The following FGD6 variants were observed in gnomAD, a reference collection of about 807,000 sequenced individuals.
The protein encoded by FGD6 is FYVE, RhoGEF and PH domain containing 6, also known as FYVE, RhoGEF and PH domain-containing protein 6.
Under a neutral mutation model 149.4 loss-of-function variants are expected in FGD6, and 90 were observed. That is an observed-to-expected ratio of 0.60 (90% CI 0.51 to 0.72). The LOEUF is 0.72. Ranked by LOEUF, FGD6 falls within the 30% of genes least tolerant of loss-of-function variation. The pLI, the probability that FGD6 is intolerant of heterozygous loss-of-function variation, is 0.00. For missense variants in FGD6, 1,437 were observed against 1,684.8 expected (o/e 0.85, Z 2.57); for synonymous variants, 527 against 584.0 (o/e 0.90, Z 1.41).
intron 1 of FGD6, among the ~76,000 whole-genome samples, chr12:95,212,450 A>C (rs1017900547): frequency 6.6e-6 from 1 of 152,194 alleles, no homozygotes; most frequent in Admixed American, 6.5e-5. Context: ...AACCTAATAA[A>C]AGCTTTACAC....
At chr12:95,214,861 C>CTTTTTTT (rs1171146305) in intron 1 of FGD6, among the ~76,000 whole-genome samples, 25 of 129,200 alleles carry the variant, frequency 1.9e-4, no homozygotes, top group South Asian at 5.0e-4. Context: ...CTCCTTTTTT[C>CTTTTTTT]TTTTTTTTTT....
chr12:95,158,293 G>A (rs1375437382), intron 3 of FGD6, among the ~76,000 whole-genome samples: 2 of 149,926 alleles, frequency 1.3e-5, no homozygotes, highest in Non-Finnish European at 3.0e-5. Context: ...TCAGCCTCCT[G>A]AGTAGCTGGG....
At chr12:95,119,548 C>T (rs1879122302) in intron 8 of FGD6, among the ~76,000 whole-genome samples, 1 of 152,196 alleles carries the variant, frequency 6.6e-6, no homozygotes, top group African/African-American at 2.4e-5. Context: ...CCATATAGTC[C>T]TGCCTTATAC....
In FGD6 at chr12:95,217,233, G is replaced by A; in HGVS notation, c.8C>T (p.Ser3Phe). The stretch of plus-strand genomic sequence containing the variant: ...CGAGCGCCGTCACTTACCGGCTGCA[G>A]AAGTCATGATTCCCCGGTGCAGCTC... The part of the protein sequence containing the change: MT[S>F]AAEIKKPPVA... The change falls in exon 1 of 21, where the codon TCT becomes TTT. Residue 3 changes from serine (S) to phenylalanine (F), a missense_variant. Ser to Phe is a radical substitution (Grantham distance 155, BLOSUM62 -2). Transcript: ENST00000343958. The A allele has an allele frequency of 6.2e-7, 1 of 1,612,240 alleles. No individual in the cohort carries two copies. The highest frequency in any genetic ancestry group is 8.5e-7 in the Non-Finnish European group (1 of 1,178,786).
intron 3 of FGD6, among the ~76,000 whole-genome samples, chr12:95,165,500 A>AT (rs1384875860): frequency 4.0e-5 from 6 of 150,508 alleles, no homozygotes; most frequent in Admixed American, 2.6e-4. Context: ...CGCCTGGCTA[A>AT]TTTTTTTTAT....
At chr12:95,138,303 G>C (rs1879739745) in intron 6 of FGD6, among the ~76,000 whole-genome samples, 1 of 152,014 alleles carries the variant, frequency 6.6e-6, no homozygotes, top group African/African-American at 2.4e-5. Context: ...CAGCATTTTG[G>C]GAGGCCGAGA....
At chr12:95,119,507 A>G (rs1019122804) in intron 8 of FGD6, among the ~76,000 whole-genome samples, 4 of 152,224 alleles carry the variant, frequency 2.6e-5, no homozygotes, top group African/African-American at 7.2e-5. Flanking sequence ...GGCTATTTAC[A>G]TAAGTAGGAT....
intron 2 of FGD6, among the ~76,000 whole-genome samples, chr12:95,202,385 T>TC: frequency 7.1e-6 from 1 of 140,120 alleles, no homozygotes; most frequent in South Asian, 2.3e-4. Context: ...AGACTCCATT[T>TC]CCCAAAAAAT....
rs1877516894 is a variant in FGD6 at position 95,077,076 on chromosome 12, T to C, written c.*4444A>G. The stretch of plus-strand genomic sequence containing the variant: ...TAAAAAACCCTACTCAAAACAACTA[T>C]CTCTTATAAGGGAAAATATCATAGA... On this transcript the variant is annotated 3_prime_UTR_variant, in exon 21 of 21. Transcript: ENST00000343958. The C allele has an allele frequency of 6.6e-6, 1 of 151,904 alleles. No individual in the cohort carries two copies. Among genetic ancestry groups the C allele is most frequent in the South Asian group, 2.1e-4 (1 of 4,716 alleles). 9.4% of individuals were successfully genotyped at this position (151,904 alleles called of 1,614,324 possible). A position where few individuals can be genotyped will look rare whatever the true frequency, so the allele number is the denominator to read the frequency against.
At chr12:95,134,262 AC>A (rs1435303144) in intron 8 of FGD6, among the ~76,000 whole-genome samples, 6 of 152,242 alleles carry the variant, frequency 3.9e-5, no homozygotes, top group Non-Finnish European at 7.4e-5. Context: ...GCACCCAGCT[AC>A]GGTACTATTC....
intron 3 of FGD6, among the ~76,000 whole-genome samples, chr12:95,160,018 A>C (rs2136277019): frequency 6.6e-6 from 1 of 151,514 alleles, no homozygotes; most frequent in South Asian, 2.1e-4. Context: ...TAAAAAAAAA[A>C]AAACAAAACC....
chr12:95,135,613 A>G (rs1879643061), intron 7 of FGD6, among the ~76,000 whole-genome samples: 1 of 152,192 alleles, frequency 6.6e-6, no homozygotes, highest in South Asian at 2.1e-4. Context: ...CAAAAAGGCC[A>G]AGTGAAAATG....
chr12:95,126,053 A>T (rs1256610643), intron 8 of FGD6: 1 of 1,277,336 alleles, frequency 7.8e-7, no homozygotes, highest in East Asian at 2.3e-5. Flanking sequence ...TTGAAGCCAG[A>T]GAAAGGAAAG....
chr12:95,152,904 G>C lies in FGD6; in HGVS notation c.2654+22C>G, dbSNP rs769487181. On this transcript the variant is annotated intron_variant, in intron 4 of 20. Coordinates refer to ENST00000343958, the MANE Select transcript of FGD6 (RefSeq NM_018351.4). ...GCCAATGGGGGGAAAACAGTCTTCT[G>C]AATTGTAAACTAGATACCTACACTT... The C allele has an allele frequency of 2.2e-5, 36 of 1,613,522 alleles. No homozygotes were observed. In the Admixed American group the frequency reaches 3.8e-4, roughly 17 times the overall value.
chr12:95,106,893 C>CCA, intron 13 of FGD6, 61 bp downstream of exon 13: 1 of 1,025,920 alleles, frequency 9.7e-7, no homozygotes, highest in Non-Finnish European at 1.4e-6. Flanking sequence ...GACCCCGTCT[C>CCA]AAACAAAACA....
chr12:95,167,774 C>G (rs543951385), intron 3 of FGD6, among the ~76,000 whole-genome samples: 1 of 152,080 alleles, frequency 6.6e-6, no homozygotes, highest in African/African-American at 2.4e-5. Context: ...GGGATTTCAC[C>G]ATGTTGGCCA....
intron 13 of FGD6, among the ~76,000 whole-genome samples, chr12:95,105,505 G>A (rs1474587274): frequency 6.6e-6 from 1 of 152,016 alleles, no homozygotes; most frequent in Non-Finnish European, 1.5e-5. Context: ...TGCCTTTATA[G>A]TGATATTTAT....
rs543239059 is a variant in FGD6, at chr12:95,150,269, C to T, written c.2685+2542G>A. Among the ~76,000 whole-genome samples the T allele has an allele frequency of 2.6e-5, 4 of 152,134 alleles. No individual in the cohort carries two copies. In the East Asian group the frequency reaches 5.8e-4, roughly 22 times the overall value. ...CTCGAACTCCTGACCTCATGTGATC[C>T]GCCTGCCCTGGCCTCCCAAGGTGCT... On this transcript the variant is annotated intron_variant, in intron 5 of 20. Transcript: ENST00000343958.
At chr12:95,109,193 T>TA (rs11382443) in intron 9 of FGD6, among the ~76,000 whole-genome samples, 44,923 of 152,018 alleles carry the variant, frequency 0.3, 6,996 homozygotes, top group East Asian at 0.41. Context: ...CCCTTTGCCT[T>TA]TAGCAAAGTG....
Sources: allele counts gnomAD v4.1 joint callset (sites outside exome capture counted in the v4.1 genomes callset), GRCh38; gene constraint gnomAD v4.1.1; transcripts MANE v1.5; gene names NCBI Gene and HGNC (gene_info 2026-07-23, HGNC 2026-07-21).